SCN3A: variants seen among roughly 807,000 people sequenced by gnomAD.
The protein encoded by SCN3A is sodium voltage-gated channel alpha subunit 3.
SCN3A carries 60 observed loss-of-function variants against 187.6 expected under a neutral mutation model. The ratio of observed to expected loss-of-function variants is 0.32; its 90% CI spans 0.26 to 0.40. The LOEUF (loss-of-function observed/expected upper bound fraction) is 0.40, where lower values mean the gene tolerates loss of function less well. Among genes scored for constraint, SCN3A ranks in the 10% least tolerant of loss-of-function variants. The pLI is 1.00. For synonymous variants in SCN3A, 788 were observed against 829.2 expected (o/e 0.95, Z 0.85); for missense variants, 1,601 against 2,428.2 (o/e 0.66, Z 7.16).
chr2:165,127,822 T>G lies in SCN3A; in HGVS notation c.3202A>C (p.Asn1068His). 1 of 1,614,190 alleles carries G rather than the reference T, an allele frequency of 6.2e-7. No individual in the cohort carries two copies. ...SKELNYLRDG[N>H]GTTSGVGTGS... is the part of the protein sequence containing the mutation. Reference sequence around the variant, plus strand: ...GTACCTACACCACTGGTGGTTCCATTCCCATCTCTAAGATAATTAAGCTCT... The same window carrying G: ...GTACCTACACCACTGGTGGTTCCATGCCCATCTCTAAGATAATTAAGCTCT... Residue 1068 changes from asparagine to histidine, a missense_variant, in exon 18 of 28, where the codon AAT becomes CAT. By Grantham distance (68) the Asn-to-His change is moderately conservative. Coordinates refer to ENST00000283254, the MANE Select transcript of SCN3A (RefSeq NM_006922.4).
At chr2:165,193,149 C>T (rs1307930923) in intron 1 of SCN3A, among the ~76,000 whole-genome samples, 1 of 152,052 alleles carries the variant, frequency 6.6e-6, no homozygotes, top group Non-Finnish European at 1.5e-5. Flanking sequence ...CTGTTCCCTA[C>T]TCCATCACTC....
intron 11 of SCN3A, among the ~76,000 whole-genome samples, chr2:165,148,962 A>G (rs1362136997): frequency 1.3e-5 from 2 of 152,216 alleles, no homozygotes; most frequent in Non-Finnish European, 2.9e-5. Flanking sequence ...CATATGAGGT[A>G]CATAATATAC....
chr2:165,146,378 ATATATGTGTGTG>A lies in SCN3A; in HGVS notation c.1671+349_1671+360del, dbSNP rs760497620. 4.8e-3 allele frequency among the ~76,000 whole-genome samples: 661 copies of A among 137,454 alleles called. 3 individuals are homozygous for A. The highest frequency in any genetic ancestry group is 0.012 in the South Asian group (56 of 4,622). 90.2% of individuals were successfully genotyped at this position (137,454 alleles called of 152,430 possible). ...GTCTGCTAGTGTAGGTTATATATAT[ATATATGTGTGTG>A]TGTGTGTGTGTGTGTGTGTGTGTGT... is the stretch of plus-strand genomic sequence containing the variant. On this transcript the variant is annotated intron_variant, in intron 12 of 27. Coordinates refer to ENST00000283254, the MANE Select transcript of SCN3A (RefSeq NM_006922.4).
intron 21 of SCN3A, among the ~76,000 whole-genome samples, chr2:165,105,544 G>T (rs1685809255): frequency 6.6e-6 from 1 of 152,176 alleles, no homozygotes; most frequent in Non-Finnish European, 1.5e-5. Flanking sequence ...GTACAAAGCT[G>T]CCATGGGAAT....
At chr2:165,103,253 A>G (rs773704778) in intron 21 of SCN3A, among the ~76,000 whole-genome samples, 16 of 152,164 alleles carry the variant, frequency 1.1e-4, no homozygotes, top group Non-Finnish European at 1.6e-4. Flanking sequence ...GTGCTTTACA[A>G]TTCACAGTGA....
chr2:165,091,062 G>A lies in SCN3A; in HGVS notation c.5091C>T (p.Asn1697=), dbSNP rs1685074015. Residue 1697 remains asparagine (N), a synonymous_variant, in exon 28 of 28, where the codon AAC becomes AAT. Transcript: ENST00000283254. ...TAATTTGGAACAAGCAGATCATGCTGTTGCCAAAGGTCTCAAAGTTGAACA... is the reference window on the plus strand; with the variant it reads ...TAATTTGGAACAAGCAGATCATGCTATTGCCAAAGGTCTCAAAGTTGAACA... ...DDMFNFETFG[N]SMICLFQITT... 1.2e-6 allele frequency: 2 copies of A among 1,614,088 alleles called. No homozygotes were observed. Among genetic ancestry groups the A allele is most frequent in the Non-Finnish European group, 1.7e-6 (2 of 1,180,016 alleles).
intron 1 of SCN3A, among the ~76,000 whole-genome samples, chr2:165,201,433 A>G (rs1472619343): frequency 6.6e-6 from 1 of 152,068 alleles, no homozygotes; most frequent in African/African-American, 2.4e-5. Context: ...AACAATGATG[A>G]AAATTTATGC....
Position 165,092,129 on chromosome 2 carries a change from A to T in SCN3A, c.4807+125T>A. 1 of 927,638 alleles carries T rather than the reference A, an allele frequency of 1.1e-6. No homozygotes were observed. The highest frequency in any genetic ancestry group is 1.8e-6 in the Non-Finnish European group (1 of 570,884). The allele number at this position is 927,638 out of a possible 1,614,324, so 57.5% of individuals were successfully genotyped here. On this transcript the variant is annotated intron_variant, in intron 27 of 27. Coordinates refer to ENST00000283254, the MANE Select transcript of SCN3A (RefSeq NM_006922.4). This position sits in a 1 kb window ranked among gnomAD's most constrained non-coding sequence, Gnocchi z 4.2. The stretch of plus-strand genomic sequence containing the variant: ...TTCAGAGTTTTTATTCAAATATGCT[A>T]GTGTTGAACTTTACATCTATATGCA...
In SCN3A at chr2:165,168,079, A is replaced by G. The variant is rs1470940584; in HGVS notation, c.473+657T>C. On this transcript the variant is annotated intron_variant, in intron 5 of 27. Coordinates refer to ENST00000283254, the MANE Select transcript of SCN3A (RefSeq NM_006922.4). ...ACATTAGAAAAGAATCAACTGGGCA[A>G]GTGTCTTTTTATTGGGATTATTATG... Among the ~76,000 whole-genome samples, 7 of 152,222 alleles carry G rather than the reference A, an allele frequency of 4.6e-5. No homozygotes were observed. The East Asian group carries it at 1.3e-3, about 29-fold the overall frequency.
chr2:165,149,267 C>T (rs1899014), intron 11 of SCN3A, among the ~76,000 whole-genome samples: 32,842 of 151,648 alleles, frequency 0.22, 3,555 homozygotes, highest in East Asian at 0.31. Context: ...CCTCCACCCC[C>T]GGGTTCAAGT....
In SCN3A at chr2:165,089,788, TA is replaced by T. The variant is rs1401458651; in HGVS notation, c.*361del. 1.5e-5 allele frequency: 3 copies of T among 199,952 alleles called. No individual in the cohort carries two copies. Among genetic ancestry groups the T allele is most frequent in the Non-Finnish European group, 2.1e-5 (2 of 97,556 alleles). 12.4% of individuals were successfully genotyped at this position (199,952 alleles called of 1,614,324 possible). ...TGGAAATGCACTAGAACAAATTTTG[TA>T]AAAATATGGCAGATATGGAAGTTAA... On this transcript the variant is annotated 3_prime_UTR_variant, in exon 28 of 28. Coordinates refer to ENST00000283254, the MANE Select transcript of SCN3A (RefSeq NM_006922.4).
chr2:165,161,004 C>T (rs1689333816), intron 9 of SCN3A, among the ~76,000 whole-genome samples: 1 of 152,138 alleles, frequency 6.6e-6, no homozygotes, highest in Non-Finnish European at 1.5e-5. Context: ...CTCACTGTGG[C>T]TTGGAATTCC....
Position 165,092,712 on chromosome 2 carries a change from A to G in SCN3A, c.4537-188T>C. ...ATGGAAAAAAAATTTATATAGCTAA[A>G]CAAAGCATATTTGGTTTATATAGGT... On this transcript the variant is annotated intron_variant, in intron 26 of 27. Transcript: ENST00000283254. The surrounding 1 kb of genome is among the most constrained non-coding windows in gnomAD (Gnocchi z 4.2). 4.9e-6 allele frequency: 3 copies of G among 609,796 alleles called. No individual in the cohort carries two copies. Among genetic ancestry groups the G allele is most frequent in the Non-Finnish European group, 8.5e-6 (3 of 351,368 alleles). The allele number at this position is 609,796 out of a possible 1,614,324, so 37.8% of individuals were successfully genotyped here.
At chr2:165,105,917 G>T (rs943637400) in intron 21 of SCN3A, among the ~76,000 whole-genome samples, 7 of 152,144 alleles carry the variant, frequency 4.6e-5, no homozygotes. Context: ...TTGTAAGTTT[G>T]TAACTCAAGG....
At chr2:165,143,056 A>G (rs908139041) in intron 12 of SCN3A, among the ~76,000 whole-genome samples, 44 of 152,186 alleles carry the variant, frequency 2.9e-4, no homozygotes, top group African/African-American at 1.0e-3. Context: ...CCAGCCCAGA[A>G]CTAGTGTTTT....
chr2:165,170,587 A>G (rs1690040711), intron 3 of SCN3A, 39 bp from the exon 4 acceptor site: 1 of 1,204,928 alleles, frequency 8.3e-7, no homozygotes, highest in South Asian at 1.2e-5. Context: ...TAAATTAGAC[A>G]TGGGCTTATT....
intron 19 of SCN3A, among the ~76,000 whole-genome samples, chr2:165,115,125 C>T (rs1025405484): frequency 6.6e-6 from 1 of 152,104 alleles, no homozygotes; most frequent in Non-Finnish European, 1.5e-5. Context: ...ATAATCATGG[C>T]TCACTGTAGC....
At chr2:165,184,500 G>GAAAAAA (rs66514310) in intron 2 of SCN3A, among the ~76,000 whole-genome samples, 1 of 105,600 alleles carries the variant, frequency 9.5e-6, no homozygotes, top group Non-Finnish European at 2.0e-5. Context: ...AAAAAAAAAA[G>GAAAAAA]AAAAAAAAAA....
intron 2 of SCN3A, among the ~76,000 whole-genome samples, chr2:165,185,658 G>A (rs752383412): frequency 2.3e-4 from 35 of 152,210 alleles, no homozygotes; most frequent in Admixed American, 5.2e-4. Flanking sequence ...TCAGCTTGTG[G>A]ACCCGAACAA....
Sources: allele counts gnomAD v4.1 joint callset (sites outside exome capture counted in the v4.1 genomes callset), GRCh38; gene constraint gnomAD v4.1.1; non-coding constraint Gnocchi (gnomAD v3.1); transcripts MANE v1.5; gene names NCBI Gene and HGNC (gene_info 2026-07-23, HGNC 2026-07-21).